AASS: variants seen among roughly 807,000 people sequenced by gnomAD.
AASS encodes aminoadipate-semialdehyde synthase.
Under a neutral mutation model 105.4 loss-of-function variants are expected in AASS, and 86 were observed. That is an observed-to-expected ratio of 0.82 (90% confidence interval 0.69 to 0.98). The LOEUF (loss-of-function observed/expected upper bound fraction) is 0.98, where lower values mean the gene tolerates loss of function less well. AASS is among the 50% of genes least tolerant of loss of function. AASS has a pLI of 0.00. For synonymous variants in AASS, 381 were observed against 394.8 expected (o/e 0.96, Z 0.41); for missense variants, 1,048 against 1,143.2 (o/e 0.92, Z 1.20).
intron 4 of AASS, 107 bp downstream of exon 4, chr7:122,126,268 T>G: frequency 1.0e-6 from 1 of 965,272 alleles, no homozygotes; most frequent in East Asian, 2.4e-5. Context: ...TTTAATTTTT[T>G]CCATGGAAAT....
intron 3 of AASS, 146 bp from the exon 4 acceptor site, chr7:122,126,605 T>C: frequency 1.4e-6 from 1 of 724,070 alleles, no homozygotes. Flanking sequence ...AGGTATACCA[T>C]GAAATATTTA....
intron 3 of AASS, among the ~76,000 whole-genome samples, chr7:122,126,867 C>T (rs767817064): frequency 1.3e-5 from 2 of 152,176 alleles, no homozygotes; most frequent in African/African-American, 2.4e-5. Context: ...ATCCCAGCTT[C>T]TCTCATGTCC....
intron 18 of AASS, among the ~76,000 whole-genome samples, chr7:122,087,706 A>T (rs1381105141): frequency 6.6e-6 from 1 of 152,170 alleles, no homozygotes; most frequent in African/African-American, 2.4e-5. Flanking sequence ...TTAAAAACAA[A>T]AAAGCAAACG....
Position 122,075,443 on chromosome 7 carries a change from T to C in AASS, c.*1046A>G, listed in dbSNP as rs1792955207. Reference sequence around the variant, plus strand: ...TTTTATTTTCTTGCCTAATTGCCCTTTCTTGACTGTCCAGTACAAGTTGAA... The same window carrying C: ...TTTTATTTTCTTGCCTAATTGCCCTCTCTTGACTGTCCAGTACAAGTTGAA... On this transcript the variant is annotated 3_prime_UTR_variant, in exon 24 of 24. Transcript: ENST00000417368. Among the ~76,000 whole-genome samples, 1 of 152,206 alleles carries C rather than the reference T, an allele frequency of 6.6e-6. No homozygotes were observed. Among genetic ancestry groups the C allele is most frequent in the Admixed American group, 6.5e-5 (1 of 15,284 alleles).
chr7:122,078,902 C>G lies in AASS; in HGVS notation c.2445G>C (p.Leu815=). Residue 815 remains leucine, a synonymous_variant, in exon 22 of 24, where the codon CTG becomes CTC. Transcript: ENST00000417368. The stretch of plus-strand genomic sequence containing the variant: ...TGACCAAATGCTTGGAGAGGGCATC[C>G]AGAATGGACTCTGCCTGAGGAACTT... ...DEQVPQAESI[L]DALSKHLVMK... is the part of the protein sequence containing the mutation. The G allele has an allele frequency of 6.2e-7, 1 of 1,614,120 alleles. No individual in the cohort carries two copies.
Position 122,113,111 on chromosome 7 carries a change from T to C in AASS, c.1278+7A>G, listed in dbSNP as rs1486624394. 5.6e-6 allele frequency: 9 copies of C among 1,607,254 alleles called. No individual in the cohort carries two copies. The highest frequency in any genetic ancestry group is 1.3e-5 in the African/African-American group (1 of 74,784). On this transcript the variant is annotated splice_region_variant and intron_variant, in intron 11 of 23. Transcript: ENST00000417368. ...AGAGTTGTTACTGATATTACCAGTC[T>C]GCTTACCATTTCTTCAACATAAGGG...
chr7:122,079,494 G>A (rs558875844), intron 21 of AASS, 103 bp downstream of exon 21: 38 of 1,103,342 alleles, frequency 3.4e-5, no homozygotes, highest in Non-Finnish European at 4.6e-5. Context: ...TTAGAGCAAC[G>A]AATTAATCAA....
At chr7:122,120,543 T>G (rs1217869627) in intron 4 of AASS, among the ~76,000 whole-genome samples, 1 of 152,002 alleles carries the variant, frequency 6.6e-6, no homozygotes, top group African/African-American at 2.4e-5. Flanking sequence ...TCTTTTCCTG[T>G]TTTAGTTTGA....
At chr7:122,101,190 A>G (rs573078785) in intron 13 of AASS, among the ~76,000 whole-genome samples, 181 bp downstream of exon 13, 2 of 152,010 alleles carry the variant, frequency 1.3e-5, no homozygotes, top group South Asian at 4.1e-4. Context: ...GTTAAGTGGG[A>G]AACAGTCACA....
At chr7:122,100,610 T>C (rs1297502420) in intron 13 of AASS, among the ~76,000 whole-genome samples, 2 of 151,824 alleles carry the variant, frequency 1.3e-5, no homozygotes, top group Non-Finnish European at 2.9e-5. Flanking sequence ...TTTCCAACTC[T>C]GGTTTCTCCT....
chr7:122,105,660 T>G (rs1469629417), intron 11 of AASS, among the ~76,000 whole-genome samples: 3 of 151,946 alleles, frequency 2.0e-5, no homozygotes, highest in African/African-American at 7.2e-5. Flanking sequence ...AAGGGAAATT[T>G]AAAAATTTCT....
At chr7:122,079,573 C>G (rs761103910) in intron 21 of AASS, 24 bp downstream of exon 21, 20 of 1,531,638 alleles carry the variant, frequency 1.3e-5, no homozygotes, top group Non-Finnish European at 1.7e-5. Context: ...ATATTTTGCT[C>G]TAAGTTGAGT....
intron 15 of AASS, among the ~76,000 whole-genome samples, chr7:122,094,605 A>T (rs1181267036): frequency 1.3e-5 from 2 of 152,160 alleles, no homozygotes; most frequent in African/African-American, 4.8e-5. Context: ...CCTACAATAG[A>T]CTATGGATAT....
At chr7:122,142,315 T>C (rs1037117827) in intron 1 of AASS, among the ~76,000 whole-genome samples, 2 of 152,202 alleles carry the variant, frequency 1.3e-5, no homozygotes. Flanking sequence ...GCCTCCAGGC[T>C]TGCCTACTCC....
Position 122,074,620 on chromosome 7 carries a change from G to A in AASS, c.*1869C>T, listed in dbSNP as rs1792917027. On this transcript the variant is annotated 3_prime_UTR_variant, in exon 24 of 24. Transcript: ENST00000417368. The stretch of plus-strand genomic sequence containing the variant: ...CTTACAATATTAGCTCTTACATTTA[G>A]ATCTTAGGTCAACTTTGAGTTAATT... Among the ~76,000 whole-genome samples the A allele has an allele frequency of 6.6e-6, 1 of 152,088 alleles. No homozygotes were observed. Among genetic ancestry groups the A allele is most frequent in the African/African-American group, 2.4e-5 (1 of 41,410 alleles).
intron 1 of AASS, among the ~76,000 whole-genome samples, chr7:122,137,478 G>A (rs1292562482): frequency 6.6e-6 from 1 of 152,092 alleles, no homozygotes; most frequent in African/African-American, 2.4e-5. Context: ...AGCATGCCGT[G>A]CCTCTCTTGA....
intron 19 of AASS, among the ~76,000 whole-genome samples, chr7:122,084,256 T>C (rs1049678314): frequency 1.3e-5 from 2 of 152,292 alleles, no homozygotes; most frequent in South Asian, 4.1e-4. Context: ...TAGGACATTA[T>C]CACTGATGTC....
intron 21 of AASS, 174 bp from the exon 22 acceptor site, chr7:122,079,124 C>G: frequency 6.6e-7 from 1 of 1,504,648 alleles, no homozygotes; most frequent in Non-Finnish European, 8.9e-7. Flanking sequence ...AATGTTTTAA[C>G]CTTCAGAATC....
At chr7:122,127,601 T>C (rs1795715065) in intron 3 of AASS, among the ~76,000 whole-genome samples, 1 of 152,216 alleles carries the variant, frequency 6.6e-6, no homozygotes, top group Non-Finnish European at 1.5e-5. Context: ...ACTTATTCTT[T>C]AGAAATACTA....
Sources: allele counts gnomAD v4.1 joint callset (sites outside exome capture counted in the v4.1 genomes callset), GRCh38; gene constraint gnomAD v4.1.1; transcripts MANE v1.5; gene names NCBI Gene and HGNC (gene_info 2026-07-23, HGNC 2026-07-21).